Variants in FGF12 observed in about 807,000 individuals in gnomAD.
The protein encoded by FGF12 is fibroblast growth factor 12B.
FGF12 carries 14 observed loss-of-function variants against 23.6 expected under a neutral mutation model. The observed-to-expected ratio is 0.59, with a 90% CI of 0.39 to 0.93. FGF12 has a LOEUF of 0.93. Ranked by LOEUF, FGF12 falls within the 40% of genes least tolerant of loss-of-function variation. The pLI is 0.00. For synonymous variants in FGF12, 62 were observed against 77.3 expected (o/e 0.80, Z 1.04); for missense variants, 175 against 217.8 (o/e 0.80, Z 1.24).
At chr3:192,468,075 C>A (rs1172830422) in intron 2 of FGF12, among the ~76,000 whole-genome samples, 1 of 152,164 alleles carries the variant, frequency 6.6e-6, no homozygotes, top group African/African-American at 2.4e-5. Flanking sequence ...CACGGAAATT[C>A]AAACAGCCCC....
chr3:192,331,911 C>T (rs1717142711), intron 4 of FGF12, among the ~76,000 whole-genome samples: 1 of 151,990 alleles, frequency 6.6e-6, no homozygotes, highest in Non-Finnish European at 1.5e-5. Flanking sequence ...ACCTTAACTG[C>T]AATTCAAGAA....
intron 2 of FGF12, among the ~76,000 whole-genome samples, chr3:192,717,976 A>T (rs772083537): frequency 6.6e-6 from 1 of 152,166 alleles, no homozygotes; most frequent in Non-Finnish European, 1.5e-5. Context: ...ATCAGTAGCC[A>T]ATCAAACATT....
chr3:192,550,465 T>C (rs1389559371), intron 2 of FGF12, among the ~76,000 whole-genome samples: 1 of 151,218 alleles, frequency 6.6e-6, no homozygotes, highest in Admixed American at 6.6e-5. Context: ...TATAATATTA[T>C]GATATACAAC....
intron 2 of FGF12, among the ~76,000 whole-genome samples, chr3:192,643,018 C>A (rs567778738): frequency 6.6e-6 from 1 of 152,316 alleles, no homozygotes; most frequent in South Asian, 2.1e-4. Flanking sequence ...AATTACCTGG[C>A]TGTATATTCA....
At chr3:192,685,740 AAAT>A (rs1236865371) in intron 2 of FGF12, among the ~76,000 whole-genome samples, 3 of 152,184 alleles carry the variant, frequency 2.0e-5, no homozygotes, top group Admixed American at 6.5e-5. Flanking sequence ...TATTTGAGAA[AAAT>A]AATAATACTT....
chr3:192,711,940 C>CAAAAAAAAAAA (rs60779864), intron 2 of FGF12, among the ~76,000 whole-genome samples: 9 of 50,766 alleles, frequency 1.8e-4, no homozygotes, highest in East Asian at 4.8e-4. Context: ...CAAGAACGAT[C>CAAAAAAAAAAA]AAAAAAAAAA....
intron 4 of FGF12, among the ~76,000 whole-genome samples, chr3:192,177,654 C>T (rs188940779): frequency 7.2e-4 from 110 of 152,322 alleles, no homozygotes; most frequent in African/African-American, 2.6e-3. Context: ...TGAGTGAATG[C>T]TCGTTGTACT....
At chr3:192,216,361 A>G (rs1331205715) in intron 4 of FGF12, among the ~76,000 whole-genome samples, 1 of 152,204 alleles carries the variant, frequency 6.6e-6, no homozygotes, top group Non-Finnish European at 1.5e-5. Flanking sequence ...TTGTTTTACT[A>G]TCCATTGTCT....
intron 2 of FGF12, among the ~76,000 whole-genome samples, chr3:192,504,626 G>A (rs186964443): frequency 2.5e-4 from 38 of 152,256 alleles, no homozygotes; most frequent in Non-Finnish European, 4.9e-4. Context: ...CTGGCCACAG[G>A]CTGGACACAT....
intron 4 of FGF12, among the ~76,000 whole-genome samples, chr3:192,241,493 A>G (rs1719616458): frequency 6.6e-6 from 1 of 152,178 alleles, no homozygotes; most frequent in Non-Finnish European, 1.5e-5. Flanking sequence ...AAAAACAAAC[A>G]TACTAATTCC....
At chr3:192,309,934 C>CT (rs1715848533) in intron 4 of FGF12, among the ~76,000 whole-genome samples, 1 of 152,068 alleles carries the variant, frequency 6.6e-6, no homozygotes. Context: ...TTCTTTTACT[C>CT]TTTTTTCTTC....
chr3:192,410,307 C>T (rs1005253223), intron 2 of FGF12, among the ~76,000 whole-genome samples: 9 of 151,928 alleles, frequency 5.9e-5, no homozygotes, highest in African/African-American at 2.2e-4. Flanking sequence ...TCTTCTGTCT[C>T]TCCCCTTTTC....
At chr3:192,529,478 C>A (rs9681438) in intron 2 of FGF12, among the ~76,000 whole-genome samples, 1 of 152,178 alleles carries the variant, frequency 6.6e-6, no homozygotes, top group African/African-American at 2.4e-5. Flanking sequence ...TTCTTCTGAG[C>A]CCTCCAAACT....
chr3:192,576,769 C>A (rs73203349), intron 2 of FGF12, among the ~76,000 whole-genome samples: 2,412 of 152,146 alleles, frequency 0.016, 30 homozygotes, highest in African/African-American at 0.033. Flanking sequence ...ATGTTTATTG[C>A]GGCACTATTC....
At chr3:192,566,887 A>G (rs1358037070) in intron 2 of FGF12, among the ~76,000 whole-genome samples, 1 of 152,216 alleles carries the variant, frequency 6.6e-6, no homozygotes, top group Admixed American at 6.5e-5. Context: ...GCAGCAAAGT[A>G]TAGGGTACAA....
intron 2 of FGF12, among the ~76,000 whole-genome samples, chr3:192,625,945 G>A (rs1333319428): frequency 6.6e-6 from 1 of 152,164 alleles, no homozygotes; most frequent in Non-Finnish European, 1.5e-5. Context: ...CTAGCTTGTT[G>A]GGTAAAATTA....
intron 2 of FGF12, among the ~76,000 whole-genome samples, chr3:192,692,665 C>T (rs529393618): frequency 6.7e-6 from 1 of 150,064 alleles, no homozygotes; most frequent in East Asian, 2.0e-4. Flanking sequence ...AAGATCACAC[C>T]ACTATAATCC....
intron 5 of FGF12, among the ~76,000 whole-genome samples, chr3:192,145,887 G>A (rs1325324896): frequency 6.6e-6 from 1 of 152,056 alleles, no homozygotes; most frequent in African/African-American, 2.4e-5. Context: ...GAATCTTGAA[G>A]TTCCCTAAGT....
intron 2 of FGF12, among the ~76,000 whole-genome samples, chr3:192,375,198 T>C (rs1040583285): frequency 3.9e-5 from 6 of 152,358 alleles, no homozygotes; most frequent in Non-Finnish European, 7.3e-5. Context: ...ATTCCCATAA[T>C]AGATGGCTAT....
Sources: allele counts gnomAD v4.1 joint callset (sites outside exome capture counted in the v4.1 genomes callset), GRCh38; gene constraint gnomAD v4.1.1; transcripts MANE v1.5; gene names NCBI Gene and HGNC (gene_info 2026-07-23, HGNC 2026-07-21).